FRMPD4: variants seen among roughly 807,000 people sequenced by gnomAD.
The protein encoded by FRMPD4 is FERM and PDZ domain-containing protein 4.
In FRMPD4, 22 loss-of-function variants were observed where a neutral mutation model predicts 94.1. The observed-to-expected ratio is 0.23, with a 90% CI of 0.17 to 0.33. The LOEUF is 0.33. Among genes scored for constraint, FRMPD4 ranks in the 10% least tolerant of loss-of-function variants. The pLI is 1.00. For synonymous variants in FRMPD4, 631 were observed against 548.6 expected (o/e 1.15, Z -2.10); for missense variants, 1,111 against 1,339.9 (o/e 0.83, Z 2.67).
chrX:12,110,837 A>G (rs1251684267), intron 3 of FRMPD4, among the ~76,000 whole-genome samples: 3 of 111,488 alleles, frequency 2.7e-5, no homozygotes, highest in African/African-American at 9.8e-5. Flanking sequence ...CAAAGAGAAT[A>G]AAATACCTAG....
chrX:12,167,503 G>A (rs2056141495), intron 1 of FRMPD4, among the ~76,000 whole-genome samples: 1 of 111,464 alleles, frequency 9.0e-6, no homozygotes, highest in Admixed American at 9.5e-5. Flanking sequence ...TTTCTCGGAT[G>A]GTGGGATTTT....
At chrX:12,202,107 C>A (rs1414456091) in intron 1 of FRMPD4, among the ~76,000 whole-genome samples, 1 of 110,636 alleles carries the variant, frequency 9.0e-6, no homozygotes, top group African/African-American at 3.3e-5. Context: ...TAATCTTCAT[C>A]CTGACTGATG....
chrX:12,231,054 T>TATAAAAA (rs1569199825), intron 1 of FRMPD4, among the ~76,000 whole-genome samples: 10 of 66,902 alleles, frequency 1.5e-4, no homozygotes, highest in African/African-American at 5.8e-4. Context: ...ATATAAAATA[T>TATAAAAA]ATATATATAT....
intron 3 of FRMPD4, among the ~76,000 whole-genome samples, chrX:11,897,868 G>A (rs749208482): frequency 1.8e-5 from 2 of 111,898 alleles, no homozygotes; most frequent in East Asian, 5.6e-4. Flanking sequence ...GTAAAACCGG[G>A]GCTGGCTAAG....
At chrX:12,538,788 A>G (rs1441432287) in intron 2 of FRMPD4, among the ~76,000 whole-genome samples, 1 of 112,176 alleles carries the variant, frequency 8.9e-6, no homozygotes, top group African/African-American at 3.2e-5. Flanking sequence ...GGACATCCAC[A>G]CCAAAACCCC....
chrX:12,604,552 A>ATGT (rs758052650), intron 2 of FRMPD4, among the ~76,000 whole-genome samples: 215 of 112,294 alleles, frequency 1.9e-3, no homozygotes, highest in Middle Eastern at 9.2e-3. Context: ...AGTATTTTAA[A>ATGT]TGTTATTGAG....
chrX:11,974,204 T>C (rs992699038), intron 3 of FRMPD4, among the ~76,000 whole-genome samples: 22 of 111,284 alleles, frequency 2.0e-4, no homozygotes, highest in African/African-American at 7.2e-4. Context: ...TGGGGCCTGA[T>C]GGGAGGTGTT....
intron 1 of FRMPD4, among the ~76,000 whole-genome samples, chrX:12,497,394 G>C (rs1452065432): frequency 1.8e-5 from 2 of 108,783 alleles, no homozygotes; most frequent in East Asian, 5.8e-4. Context: ...TTTTGCGTGT[G>C]GTTTTTTTGT....
chrX:12,183,995 A>C (rs1046293812), intron 1 of FRMPD4, among the ~76,000 whole-genome samples: 6 of 110,011 alleles, frequency 5.5e-5, no homozygotes, highest in Non-Finnish European at 5.7e-5. Context: ...GAAAATCAGA[A>C]GGGCACATTT....
chrX:12,713,029 G>T (rs2042014303), intron 14 of FRMPD4, among the ~76,000 whole-genome samples: 1 of 109,337 alleles, frequency 9.1e-6, no homozygotes, highest in African/African-American at 3.4e-5. Context: ...AGTGAGCCAA[G>T]CACACTATTG....
intron 1 of FRMPD4, among the ~76,000 whole-genome samples, chrX:11,861,830 T>C (rs973979237): frequency 5.4e-5 from 6 of 111,580 alleles, no homozygotes; most frequent in African/African-American, 2.0e-4. Context: ...TGCATTGCTA[T>C]AAAGAAATAC....
At chrX:12,362,276 A>G (rs1002652710) in intron 1 of FRMPD4, among the ~76,000 whole-genome samples, 1 of 109,144 alleles carries the variant, frequency 9.2e-6, no homozygotes, top group Non-Finnish European at 1.9e-5. Flanking sequence ...TTACATATGT[A>G]TACGTGTGCC....
intron 2 of FRMPD4, among the ~76,000 whole-genome samples, chrX:11,868,803 A>G (rs2053738441): frequency 8.9e-6 from 1 of 112,723 alleles, no homozygotes; most frequent in South Asian, 3.7e-4. Flanking sequence ...ATTCCAGGCC[A>G]CCACCACTTT....
At chrX:11,856,777 G>T (rs140906221) in intron 1 of FRMPD4, among the ~76,000 whole-genome samples, 10,206 of 111,671 alleles carry the variant, frequency 0.091, 437 homozygotes, top group Middle Eastern at 0.2. Flanking sequence ...ATCCTTGTTT[G>T]CAGATGATGT....
chrX:11,892,595 G>A (rs1296010174), intron 3 of FRMPD4, among the ~76,000 whole-genome samples: 3 of 112,130 alleles, frequency 2.7e-5, no homozygotes, highest in Non-Finnish European at 3.8e-5. Context: ...AGGAAATGGA[G>A]TTACCCTGCT....
intron 3 of FRMPD4, among the ~76,000 whole-genome samples, chrX:11,880,338 AT>A (rs1375026388): frequency 2.7e-5 from 3 of 111,849 alleles, no homozygotes; most frequent in African/African-American, 9.8e-5. Context: ...TGCCTGGTTC[AT>A]CCAATTATCT....
chrX:12,664,717 TAA>T (rs749498130), intron 4 of FRMPD4, among the ~76,000 whole-genome samples: 5 of 112,092 alleles, frequency 4.5e-5, no homozygotes, highest in Admixed American at 2.8e-4. Flanking sequence ...GCTGGCCTCA[TAA>T]AATGAGTCAG....
intron 2 of FRMPD4, among the ~76,000 whole-genome samples, chrX:12,556,424 G>T (rs779105875): frequency 9.0e-6 from 1 of 111,088 alleles, no homozygotes; most frequent in African/African-American, 3.3e-5. Context: ...CACTGCCTAC[G>T]GAGGGGGGTG....
At chrX:12,123,264 A>G (rs1186987118) in intron 3 of FRMPD4, among the ~76,000 whole-genome samples, 2 of 109,853 alleles carry the variant, frequency 1.8e-5, no homozygotes, top group African/African-American at 6.6e-5. Context: ...CAGCCTCCCA[A>G]ATAGCTGGGA....
Sources: gnomAD v4.1 joint callset for allele counts (sites outside exome capture counted in the v4.1 genomes callset) on GRCh38, gnomAD v4.1.1 for gene constraint, MANE v1.5 for transcripts, NCBI Gene and HGNC (gene_info 2026-07-23, HGNC 2026-07-21) for gene names.